Variants in TSPAN5 observed in about 807,000 individuals in gnomAD.
TSPAN5 encodes tetraspanin 5.
In TSPAN5, 10 loss-of-function variants were observed where a neutral mutation model predicts 37.1. The ratio of observed to expected loss-of-function variants is 0.27; its 90% CI spans 0.17 to 0.46. The LOEUF (loss-of-function observed/expected upper bound fraction) is 0.46. Ranked by LOEUF, TSPAN5 falls within the 20% of genes least tolerant of loss-of-function variation. TSPAN5 has a pLI of 1.00. For synonymous variants in TSPAN5, 110 were observed against 118.9 expected, an observed-to-expected ratio of 0.93 and a Z score of 0.48; for missense variants, 195 against 326.6, an observed-to-expected ratio of 0.60 and a Z score of 3.11.
At chr4:98,557,227 C>T in intron 1 of TSPAN5, among the ~76,000 whole-genome samples, 1 of 152,214 alleles carries the variant, frequency 6.6e-6, no homozygotes, top group Non-Finnish European at 1.5e-5. Flanking sequence ...TGTATAGTAA[C>T]ATATAAAATA....
chr4:98,546,372 G>A (rs549796691), intron 1 of TSPAN5, among the ~76,000 whole-genome samples: 1 of 152,142 alleles, frequency 6.6e-6, no homozygotes, highest in African/African-American at 2.4e-5. Context: ...TAGAAAGGAC[G>A]GATCCCTGAG....
intron 1 of TSPAN5, among the ~76,000 whole-genome samples, chr4:98,582,312 G>C (rs1755387691): frequency 6.6e-6 from 1 of 152,316 alleles, no homozygotes; most frequent in African/African-American, 2.4e-5. Context: ...CACTGGAGCT[G>C]ACGGCACAAC....
chr4:98,497,316 CAA>C (rs398051229), intron 2 of TSPAN5, among the ~76,000 whole-genome samples: 5,728 of 101,798 alleles, frequency 0.056, 214 homozygotes, highest in African/African-American at 0.14. Flanking sequence ...GACTCCATCT[CAA>C]AAAAAAAAAA....
intron 1 of TSPAN5, among the ~76,000 whole-genome samples, chr4:98,615,436 C>T (rs1756301963): frequency 6.6e-6 from 1 of 150,482 alleles, no homozygotes. Flanking sequence ...TAAAAATGTC[C>T]CGTGTTTGAC....
chr4:98,511,548 T>C (rs1476441668), intron 1 of TSPAN5, among the ~76,000 whole-genome samples: 1 of 152,212 alleles, frequency 6.6e-6, no homozygotes, highest in Non-Finnish European at 1.5e-5. Context: ...GGGACCACCA[T>C]TGTATATGCA....
At chr4:98,627,352 A>C (rs1756631143) in intron 1 of TSPAN5, among the ~76,000 whole-genome samples, 1 of 152,180 alleles carries the variant, frequency 6.6e-6, no homozygotes, top group Non-Finnish European at 1.5e-5. Flanking sequence ...GTGAAGGTTT[A>C]TAGGAGTTCT....
At chr4:98,560,620 G>A (rs13137132) in intron 1 of TSPAN5, among the ~76,000 whole-genome samples, 69,610 of 152,094 alleles carry the variant, frequency 0.46, 17,028 homozygotes, top group Non-Finnish European at 0.54. Flanking sequence ...TTCAGGATGT[G>A]GATAATCCTT....
At chr4:98,491,649 C>T (rs2110269925) in intron 2 of TSPAN5, among the ~76,000 whole-genome samples, 1 of 149,326 alleles carries the variant, frequency 6.7e-6, no homozygotes, top group Non-Finnish European at 1.5e-5. Context: ...GATTGAGCCA[C>T]TGCACTCCAG....
intron 1 of TSPAN5, among the ~76,000 whole-genome samples, chr4:98,584,771 G>A (rs544288492): frequency 1.3e-5 from 2 of 152,346 alleles, no homozygotes; most frequent in East Asian, 3.9e-4. Context: ...CCACTGCAAA[G>A]CATGGTAAAA....
Position 98,622,922 on chromosome 4 carries a change from C to T in TSPAN5, c.81+35224G>A, listed in dbSNP as rs148189334. ...TTAACAAAATTATAATATTGGTGGA[C>T]TAAGAGGAAGGAGACTGAGCAAAGA... On this transcript the variant is annotated intron_variant, in intron 1 of 7. Transcript: ENST00000305798. 5.7e-4 allele frequency among the ~76,000 whole-genome samples: 87 copies of T among 152,114 alleles called. 1 individual carries two copies. Among genetic ancestry groups the T allele is most frequent in the African/African-American group, 2.0e-3 (83 of 41,510 alleles).
chr4:98,623,340 T>A (rs1464208855), intron 1 of TSPAN5, among the ~76,000 whole-genome samples: 5 of 152,194 alleles, frequency 3.3e-5, no homozygotes, highest in African/African-American at 1.2e-4. Context: ...CACTTCAAAG[T>A]ATCACTAAGA....
intron 1 of TSPAN5, among the ~76,000 whole-genome samples, chr4:98,651,715 T>C (rs1429138409): frequency 6.6e-6 from 1 of 152,136 alleles, no homozygotes; most frequent in Non-Finnish European, 1.5e-5. Context: ...TTTGAACAGA[T>C]GAAACTCTAC....
intron 1 of TSPAN5, among the ~76,000 whole-genome samples, chr4:98,597,591 A>T (rs1755773222): frequency 1.8e-5 from 1 of 55,802 alleles, no homozygotes; most frequent in Non-Finnish European, 3.0e-5. Context: ...GTCTTTGATG[A>T]TGGTGATGTA....
At chr4:98,651,283 A>G (rs777931267) in intron 1 of TSPAN5, among the ~76,000 whole-genome samples, 4 of 152,238 alleles carry the variant, frequency 2.6e-5, no homozygotes, top group Non-Finnish European at 4.4e-5. Context: ...CTGCAAAATA[A>G]CTGGCTTATA....
chr4:98,537,823 A>G (rs28532945), intron 1 of TSPAN5, among the ~76,000 whole-genome samples: 12,531 of 152,180 alleles, frequency 0.082, 849 homozygotes, highest in African/African-American at 0.18. Context: ...TTGATCCTAC[A>G]ATGAAGAGCT....
chr4:98,571,075 T>C (rs79009221), intron 1 of TSPAN5, among the ~76,000 whole-genome samples: 2,134 of 152,204 alleles, frequency 0.014, 36 homozygotes, highest in African/African-American at 0.03. Flanking sequence ...AATGGACCAC[T>C]TGTCTATTTT....
At chr4:98,644,751 A>T (rs1281722590) in intron 1 of TSPAN5, among the ~76,000 whole-genome samples, 2 of 152,170 alleles carry the variant, frequency 1.3e-5, no homozygotes, top group African/African-American at 2.4e-5. Flanking sequence ...TAAGCATTTA[A>T]AGTTGACTTC....
chr4:98,633,008 C>G (rs765591186), intron 1 of TSPAN5, among the ~76,000 whole-genome samples: 7 of 152,142 alleles, frequency 4.6e-5, no homozygotes, highest in South Asian at 4.1e-4. Flanking sequence ...GGAAGGCAGA[C>G]AGCAGGAAGC....
chr4:98,528,692 T>G (rs1754015404), intron 1 of TSPAN5, among the ~76,000 whole-genome samples: 1 of 152,180 alleles, frequency 6.6e-6, no homozygotes, highest in Non-Finnish European at 1.5e-5. Context: ...AGAGCATTAT[T>G]GAAATTTGCA....
Sources: gnomAD v4.1 joint callset for allele counts (sites outside exome capture counted in the v4.1 genomes callset) on GRCh38, gnomAD v4.1.1 for gene constraint, MANE v1.5 for transcripts, NCBI Gene and HGNC (gene_info 2026-07-23, HGNC 2026-07-21) for gene names.